BCL2: variants seen among roughly 807,000 people sequenced by gnomAD.
BCL2 encodes apoptosis regulator Bcl-2.
BCL2 carries 1 observed loss-of-function variant against 14.2 expected under a neutral mutation model. The ratio of observed to expected loss-of-function variants is 0.07; its 90% CI spans 0.02 to 0.33. The LOEUF (loss-of-function observed/expected upper bound fraction) is 0.33. Among genes scored for constraint, BCL2 ranks in the 10% least tolerant of loss-of-function variants. The pLI, the probability that BCL2 is intolerant of heterozygous loss-of-function variation, is 0.99. For synonymous variants in BCL2, 151 were observed against 137.2 expected, an observed-to-expected ratio of 1.10 and a Z score of -0.70; for missense variants, 247 against 305.9, an observed-to-expected ratio of 0.81 and a Z score of 1.44.
chr18:63,237,254 G>A (rs1910866503), intron 2 of BCL2, among the ~76,000 whole-genome samples: 1 of 152,160 alleles, frequency 6.6e-6, no homozygotes, highest in African/African-American at 2.4e-5. Context: ...AACAGGCGGG[G>A]GGGAGGTGGG....
At chr18:63,237,273 C>T (rs1447839448) in intron 2 of BCL2, among the ~76,000 whole-genome samples, 1 of 152,036 alleles carries the variant, frequency 6.6e-6, no homozygotes, top group Non-Finnish European at 1.5e-5. Flanking sequence ...GGCGTGGCCT[C>T]GATCAATCAC....
At chr18:63,133,128 G>T (rs576008216) in intron 2 of BCL2, among the ~76,000 whole-genome samples, 1 of 152,278 alleles carries the variant, frequency 6.6e-6, no homozygotes, top group East Asian at 1.9e-4. Flanking sequence ...AAGGGGACAG[G>T]ATGGCTAAAC....
intron 2 of BCL2, among the ~76,000 whole-genome samples, chr18:63,239,318 C>T (rs1910928517): frequency 1.3e-5 from 2 of 152,194 alleles, no homozygotes; most frequent in Non-Finnish European, 2.9e-5. Flanking sequence ...CTTAGACTAA[C>T]CTAAAAGTCT....
chr18:63,201,083 T>TG (rs1909676354), intron 2 of BCL2, among the ~76,000 whole-genome samples: 1 of 152,160 alleles, frequency 6.6e-6, no homozygotes, highest in South Asian at 2.1e-4. Context: ...AGTGACAGGC[T>TG]GGGGGGTCCA....
chr18:63,316,851 T>G (rs964351862), intron 2 of BCL2: 1 of 151,924 alleles, frequency 6.6e-6, no homozygotes, highest in African/African-American at 2.4e-5. Context: ...ATGACATTAG[T>G]CATTCTCCCA....
At chr18:63,247,268 G>A (rs1911176916) in intron 2 of BCL2, among the ~76,000 whole-genome samples, 2 of 150,442 alleles carry the variant, frequency 1.3e-5, no homozygotes, top group Middle Eastern at 3.4e-3. Context: ...ATGCAATCTC[G>A]GCTCACTGCA....
intron 2 of BCL2, among the ~76,000 whole-genome samples, chr18:63,306,170 G>C (rs1053369565): frequency 6.6e-6 from 1 of 152,184 alleles, no homozygotes; most frequent in African/African-American, 2.4e-5. Context: ...TGTACAGAAA[G>C]ACCAGCAAAG....
chr18:63,176,348 G>T (rs1275697677), intron 2 of BCL2, among the ~76,000 whole-genome samples: 1 of 152,212 alleles, frequency 6.6e-6, no homozygotes, highest in African/African-American at 2.4e-5. Context: ...GGCCAATGTG[G>T]GTGGTCAGGC....
chr18:63,306,505 C>A (rs540902451), intron 2 of BCL2, among the ~76,000 whole-genome samples: 2 of 152,256 alleles, frequency 1.3e-5, no homozygotes, highest in Non-Finnish European at 2.9e-5. Context: ...AGGCTGAACT[C>A]CTCAGCTCCT....
intron 2 of BCL2, among the ~76,000 whole-genome samples, chr18:63,258,301 AC>A (rs1911544081): frequency 6.6e-6 from 1 of 152,342 alleles, no homozygotes; most frequent in South Asian, 2.1e-4. Flanking sequence ...GTATTTTGTC[AC>A]AGCAGCCCTA....
intron 2 of BCL2, among the ~76,000 whole-genome samples, chr18:63,261,422 C>G (rs144105394): frequency 6.6e-6 from 1 of 152,278 alleles, no homozygotes; most frequent in African/African-American, 2.4e-5. Context: ...ACTAGATATT[C>G]ACTGAAGGAG....
At chr18:63,232,567 G>C (rs949844108) in intron 2 of BCL2, among the ~76,000 whole-genome samples, 5 of 152,190 alleles carry the variant, frequency 3.3e-5, no homozygotes, top group Non-Finnish European at 5.9e-5. Flanking sequence ...TAAGTAATCA[G>C]AGAAATACAA....
At chr18:63,218,524 T>A (rs1470161576) in intron 2 of BCL2, among the ~76,000 whole-genome samples, 1 of 149,452 alleles carries the variant, frequency 6.7e-6, no homozygotes, top group African/African-American at 2.5e-5. Context: ...TACTATTTCA[T>A]CTTATCTCTC....
At chr18:63,266,656 CAA>C (rs1555705644) in intron 2 of BCL2, among the ~76,000 whole-genome samples, 3 of 150,436 alleles carry the variant, frequency 2.0e-5, no homozygotes, top group South Asian at 2.1e-4. Context: ...CACACACACA[CAA>C]AAATATATAT....
At chr18:63,171,161 C>T (rs958483073) in intron 2 of BCL2, among the ~76,000 whole-genome samples, 4 of 152,064 alleles carry the variant, frequency 2.6e-5, no homozygotes, top group Admixed American at 2.0e-4. Context: ...ATGTGTGATA[C>T]GTGTCCATCA....
At chr18:63,208,096 T>C (rs1465144404) in intron 2 of BCL2, 1 of 152,206 alleles carries the variant, frequency 6.6e-6, no homozygotes, top group Non-Finnish European at 1.5e-5. Context: ...ACCAATTTTG[T>C]TTTATTTGTG....
At chr18:63,280,946 A>G (rs1189432022) in intron 2 of BCL2, among the ~76,000 whole-genome samples, 2 of 152,248 alleles carry the variant, frequency 1.3e-5, no homozygotes, top group African/African-American at 4.8e-5. Flanking sequence ...GTATCCATCA[A>G]TAAATGAACG....
intron 2 of BCL2, among the ~76,000 whole-genome samples, chr18:63,226,476 A>G (rs1910551724): frequency 6.6e-6 from 1 of 152,212 alleles, no homozygotes; most frequent in African/African-American, 2.4e-5. Flanking sequence ...ATGCTCATTA[A>G]TAGGGAGAAG....
At chr18:63,287,460 G>A (rs147654713) in intron 2 of BCL2, among the ~76,000 whole-genome samples, 6 of 152,328 alleles carry the variant, frequency 3.9e-5, no homozygotes, top group African/African-American at 1.2e-4. Context: ...TAGGGATATA[G>A]AAGAGAAGAG....
Sources: gnomAD v4.1 joint callset for allele counts (sites outside exome capture counted in the v4.1 genomes callset) on GRCh38, gnomAD v4.1.1 for gene constraint, MANE v1.5 for transcripts, NCBI Gene and HGNC (gene_info 2026-07-23, HGNC 2026-07-21) for gene names.